VAV3: variants seen among roughly 807,000 people sequenced by gnomAD.
VAV3 encodes the protein vav guanine nucleotide exchange factor 3.
Under a neutral mutation model 131.2 loss-of-function variants are expected in VAV3, and 94 were observed. The observed-to-expected ratio is 0.72, with a 90% CI of 0.61 to 0.85. The LOEUF is 0.85. Ranked by LOEUF, VAV3 falls within the 40% of genes least tolerant of loss-of-function variation. The pLI, the probability that VAV3 is intolerant of heterozygous loss-of-function variation, is 0.00. For synonymous variants in VAV3, 349 were observed against 342.0 expected, an observed-to-expected ratio of 1.02 and a Z score of -0.22; for missense variants, 939 against 1,002.7, an observed-to-expected ratio of 0.94 and a Z score of 0.86.
chr1:107,810,673 G>A (rs1372721250), intron 2 of VAV3, among the ~76,000 whole-genome samples: 1 of 152,044 alleles, frequency 6.6e-6, no homozygotes, highest in East Asian at 1.9e-4. Flanking sequence ...CAGTGTTTGA[G>A]CTGAACAATC....
chr1:107,896,724 A>G (rs1331449330), intron 1 of VAV3, among the ~76,000 whole-genome samples: 2 of 152,016 alleles, frequency 1.3e-5, no homozygotes, highest in Non-Finnish European at 2.9e-5. Context: ...GTTATTAATC[A>G]GGGATATAAT....
At chr1:107,920,487 G>T (rs1027650111) in intron 1 of VAV3, among the ~76,000 whole-genome samples, 5 of 152,126 alleles carry the variant, frequency 3.3e-5, no homozygotes, top group African/African-American at 1.2e-4. Flanking sequence ...AGGGCATTTT[G>T]CTCATCTAAA....
intron 1 of VAV3, among the ~76,000 whole-genome samples, chr1:107,891,003 A>C (rs775794779): frequency 1.3e-5 from 2 of 152,132 alleles, no homozygotes; most frequent in Non-Finnish European, 2.9e-5. Context: ...TTGAAATATT[A>C]TGTGAATTTT....
intron 17 of VAV3, among the ~76,000 whole-genome samples, chr1:107,701,216 C>T (rs12025398): frequency 0.56 from 84,635 of 151,770 alleles, 24,618 homozygotes; most frequent in Non-Finnish European, 0.63. Flanking sequence ...CTTTGTTAGA[C>T]GGATACCTAA....
chr1:107,604,391 C>T (rs568891133), intron 22 of VAV3, among the ~76,000 whole-genome samples: 6 of 152,142 alleles, frequency 3.9e-5, no homozygotes, highest in South Asian at 2.1e-4. Context: ...TGGTACCTTG[C>T]GTTAAAAGAA....
chr1:107,691,794 T>G (rs1659441564), intron 17 of VAV3, among the ~76,000 whole-genome samples: 1 of 152,158 alleles, frequency 6.6e-6, no homozygotes, highest in Non-Finnish European at 1.5e-5. Context: ...TGAGAAGTGG[T>G]GTTGCTGAGG....
At chr1:107,917,486 T>C (rs766782335) in intron 1 of VAV3, among the ~76,000 whole-genome samples, 27 of 152,158 alleles carry the variant, frequency 1.8e-4, no homozygotes, top group Non-Finnish European at 2.6e-4. Flanking sequence ...TGACCCACCA[T>C]ACTCCTGGAT....
chr1:107,781,234 A>T (rs950529478), intron 2 of VAV3, among the ~76,000 whole-genome samples: 3 of 152,200 alleles, frequency 2.0e-5, no homozygotes, highest in Non-Finnish European at 4.4e-5. Context: ...TACTAAAAGA[A>T]TTAAATGAGA....
chr1:107,736,806 T>C (rs1156411184), intron 15 of VAV3, among the ~76,000 whole-genome samples: 1 of 152,060 alleles, frequency 6.6e-6, no homozygotes, highest in Non-Finnish European at 1.5e-5. Context: ...TTCAATGCCA[T>C]CCCCATCCAG....
chr1:107,861,949 A>C (rs1225174186), intron 2 of VAV3, among the ~76,000 whole-genome samples: 1 of 151,504 alleles, frequency 6.6e-6, no homozygotes, highest in Non-Finnish European at 1.5e-5. Flanking sequence ...AGATTTAAAA[A>C]CCATTCATTT....
Position 107,869,623 on chromosome 1 carries a change from C to T in VAV3, c.321+5278G>A, listed in dbSNP as rs369327080. Among the ~76,000 whole-genome samples the T allele has an allele frequency of 7.9e-5, 12 of 152,268 alleles. 1 individual carries two copies. The highest frequency in any genetic ancestry group is 2.9e-4 in the African/African-American group (12 of 41,568). On this transcript the variant is annotated intron_variant, in intron 2 of 26. Coordinates refer to ENST00000370056, the MANE Select transcript of VAV3 (RefSeq NM_006113.5). ...AACTGGAATCCAAACCAAGATCTAA[C>T]TCAGAAACCATGTATTGTTTTGTTT...
intron 20 of VAV3, among the ~76,000 whole-genome samples, chr1:107,618,931 C>G (rs1246067644): frequency 6.6e-6 from 1 of 152,170 alleles, no homozygotes; most frequent in Non-Finnish European, 1.5e-5. Flanking sequence ...AAGACTTAAA[C>G]TTGCACCAAT....
At chr1:107,915,740 G>T (rs1189028339) in intron 1 of VAV3, among the ~76,000 whole-genome samples, 1 of 152,202 alleles carries the variant, frequency 6.6e-6, no homozygotes, top group East Asian at 1.9e-4. Context: ...GACATCTACA[G>T]GAATCCAGTA....
chr1:107,703,591 G>A (rs937720767), intron 17 of VAV3, among the ~76,000 whole-genome samples: 4 of 152,192 alleles, frequency 2.6e-5, no homozygotes, highest in African/African-American at 4.8e-5. Flanking sequence ...GATCTCAGTC[G>A]TCTAATAGGA....
intron 2 of VAV3, among the ~76,000 whole-genome samples, chr1:107,819,924 G>A (rs772511811): frequency 9.9e-5 from 15 of 152,196 alleles, no homozygotes; most frequent in East Asian, 3.9e-4. Context: ...TCTCTACCCC[G>A]TTAAAATGGC....
At chr1:107,675,070 G>C (rs187305462) in intron 19 of VAV3, among the ~76,000 whole-genome samples, 1 of 152,162 alleles carries the variant, frequency 6.6e-6, no homozygotes, top group Non-Finnish European at 1.5e-5. Context: ...AGCCCTGGCC[G>C]ATATCTTAAG....
chr1:107,854,075 G>A (rs1035007473), intron 2 of VAV3, among the ~76,000 whole-genome samples: 18 of 152,166 alleles, frequency 1.2e-4, no homozygotes, highest in African/African-American at 4.3e-4. Context: ...TTGGGAGGCT[G>A]ACACCAGCAG....
intron 2 of VAV3, among the ~76,000 whole-genome samples, chr1:107,816,348 A>AT (rs776038680): frequency 6.6e-6 from 1 of 152,222 alleles, no homozygotes; most frequent in Non-Finnish European, 1.5e-5. Context: ...CCACAAAGTG[A>AT]TTTTTAAGAT....
intron 19 of VAV3, among the ~76,000 whole-genome samples, chr1:107,658,519 G>A (rs1240305217): frequency 3.9e-5 from 6 of 151,976 alleles, no homozygotes; most frequent in East Asian, 3.9e-4. Context: ...CTGAGGAATC[G>A]CCACACTGAC....
Sources: allele counts gnomAD v4.1 joint callset (sites outside exome capture counted in the v4.1 genomes callset), GRCh38; gene constraint gnomAD v4.1.1; transcripts MANE v1.5; gene names NCBI Gene and HGNC (gene_info 2026-07-23, HGNC 2026-07-21).